Variants in PKP2 observed in about 807,000 individuals in gnomAD.
PKP2 encodes plakophilin-2.
A neutral mutation model predicts 83.4 loss-of-function variants in PKP2; 73 were observed. That is an observed-to-expected ratio of 0.88 (90% confidence interval 0.72 to 1.06). The LOEUF is 1.06. Ranked by LOEUF, PKP2 falls within the 50% of genes least tolerant of loss-of-function variation. The probability of loss-of-function intolerance (pLI) is 0.00; values close to 1 mark genes in which losing one functional copy is unlikely to be tolerated. For synonymous variants in PKP2, 409 were observed against 430.4 expected (o/e 0.95, Z 0.62); for missense variants, 966 against 1,065.4 (o/e 0.91, Z 1.30).
At position 32,821,311 on chromosome 12, in the gene PKP2, C is replaced by T. The variant is rs10772008; in HGVS notation, c.2013+45G>A. 1,170,091 of 1,517,982 alleles carry T rather than the reference C, an allele frequency of 0.77. 460,333 individuals carry two copies. Among genetic ancestry groups the T allele is most frequent in the Non-Finnish European group, 0.82 (894,901 of 1,093,460 alleles). 94.0% of individuals were successfully genotyped at this position (1,517,982 alleles called of 1,614,324 possible). A position where few individuals can be genotyped will look rare whatever the true frequency, so the allele number is the denominator to read the frequency against. On this transcript the variant is annotated intron_variant, in intron 9 of 12. Coordinates refer to ENST00000340811, the MANE Select transcript of PKP2 (RefSeq NM_001005242.3). Reference sequence around the variant, plus strand: ...TCTGAATTGAATGTAGGTATGTCTACAATATCATTATTTTAAAAAGTAGGA... The same window carrying T: ...TCTGAATTGAATGTAGGTATGTCTATAATATCATTATTTTAAAAAGTAGGA...
At chr12:32,857,440 AAGAG>A (rs899759767) in intron 4 of PKP2, among the ~76,000 whole-genome samples, 21 of 151,532 alleles carry the variant, frequency 1.4e-4, no homozygotes, top group East Asian at 3.9e-4. Context: ...AAAAAGAAAA[AAGAG>A]AGAGAGAGAG....
chr12:32,853,364 A>G (rs951889356), intron 4 of PKP2, among the ~76,000 whole-genome samples: 17 of 149,366 alleles, frequency 1.1e-4, no homozygotes, highest in African/African-American at 3.9e-4. Context: ...TGGATAAGTG[A>G]TACTTAACCT....
chr12:32,808,095 C>G (rs546894962), intron 9 of PKP2, among the ~76,000 whole-genome samples: 1 of 152,306 alleles, frequency 6.6e-6, no homozygotes, highest in Admixed American at 6.5e-5. Context: ...GGTAATTCTA[C>G]TGGATGATAT....
intron 5 of PKP2, among the ~76,000 whole-genome samples, chr12:32,841,898 A>G (rs977485589): frequency 2.6e-5 from 4 of 152,230 alleles, no homozygotes; most frequent in Non-Finnish European, 5.9e-5. Flanking sequence ...CATCTTCCCT[A>G]TTGGCCAACT....
rs148315794 is a variant in PKP2, at chr12:32,869,145, C to A, written c.1035-83G>T. On this transcript the variant is annotated intron_variant, in intron 3 of 12. Coordinates refer to ENST00000340811, the MANE Select transcript of PKP2 (RefSeq NM_001005242.3). ...ACCTGGTCCTCCAGAGACGACTCAGCGAATACTGGGAAGCACTAGAACATC... is the reference window on the plus strand; with the variant it reads ...ACCTGGTCCTCCAGAGACGACTCAGAGAATACTGGGAAGCACTAGAACATC... The A allele has an allele frequency of 2.0e-6, 3 of 1,491,420 alleles. No homozygotes were observed. In the African/African-American group the frequency reaches 4.2e-5, roughly 21 times the overall value. 92.4% of individuals were successfully genotyped at this position (1,491,420 alleles called of 1,614,324 possible). A position where few individuals can be genotyped will look rare whatever the true frequency, so the allele number is the denominator to read the frequency against.
At chr12:32,896,399 G>T in intron 1 of PKP2, 110 bp downstream of exon 1, 1 of 779,020 alleles carries the variant, frequency 1.3e-6, no homozygotes, top group Non-Finnish European at 1.9e-6. Context: ...GCAACAGGTG[G>T]GCAGAACACG....
chr12:32,842,234 C>G (rs1437303043), intron 5 of PKP2, among the ~76,000 whole-genome samples: 1 of 151,926 alleles, frequency 6.6e-6, no homozygotes, highest in Non-Finnish European at 1.5e-5. Context: ...AAAGTTGCCT[C>G]GTCATCTTTC....
intron 5 of PKP2, among the ~76,000 whole-genome samples, chr12:32,850,496 G>A (rs576528624): frequency 3.9e-5 from 6 of 152,174 alleles, no homozygotes; most frequent in African/African-American, 1.4e-4. Flanking sequence ...AACCCTGGAG[G>A]CGGAGGTTGC....
At chr12:32,823,696 G>A (rs1025174603) in intron 7 of PKP2, among the ~76,000 whole-genome samples, 2 of 151,574 alleles carry the variant, frequency 1.3e-5, no homozygotes, top group East Asian at 3.9e-4. Context: ...AAGCTCTGGG[G>A]TTCATGCCAT....
At chr12:32,793,006 T>C (rs1256145416) in intron 11 of PKP2, 3 of 411,852 alleles carry the variant, frequency 7.3e-6, no homozygotes, top group African/African-American at 6.1e-5. Flanking sequence ...ATCCCAGCAC[T>C]TTTGGGAGGC....
chr12:32,865,068 G>A (rs141427446), intron 4 of PKP2, among the ~76,000 whole-genome samples: 281 of 152,238 alleles, frequency 1.8e-3, no homozygotes, highest in African/African-American at 6.5e-3. Context: ...CTTGGGAATA[G>A]TAAACATTCA....
intron 1 of PKP2, among the ~76,000 whole-genome samples, chr12:32,881,253 G>C (rs1183856413): frequency 1.3e-5 from 2 of 152,128 alleles, no homozygotes; most frequent in African/African-American, 2.4e-5. Context: ...GGCAGTGGCA[G>C]GCTTGTAACT....
At chr12:32,858,151 TAA>T (rs1290944264) in intron 4 of PKP2, among the ~76,000 whole-genome samples, 12 of 104,254 alleles carry the variant, frequency 1.2e-4, no homozygotes, top group African/African-American at 4.0e-4. Flanking sequence ...TATATATATA[TAA>T]ATATATATAA....
intron 1 of PKP2, among the ~76,000 whole-genome samples, chr12:32,891,788 C>T (rs1452847213): frequency 1.3e-5 from 2 of 152,192 alleles, no homozygotes; most frequent in African/African-American, 2.4e-5. Flanking sequence ...TACAGTTCCA[C>T]GGATTCTGAA....
chr12:32,890,062 G>A (rs1156245701), intron 1 of PKP2, among the ~76,000 whole-genome samples: 11 of 111,034 alleles, frequency 9.9e-5, no homozygotes, highest in Admixed American at 9.0e-4. Context: ...GGCATAGAGC[G>A]AGACTCCATC....
intron 9 of PKP2, among the ~76,000 whole-genome samples, chr12:32,814,902 G>A (rs1192315413): frequency 6.6e-6 from 1 of 151,796 alleles, no homozygotes; most frequent in Non-Finnish European, 1.5e-5. Flanking sequence ...TCCACCCTAG[G>A]CGACAGAGTG....
intron 3 of PKP2, among the ~76,000 whole-genome samples, chr12:32,869,965 G>C (rs1237605149): frequency 6.6e-6 from 1 of 152,170 alleles, no homozygotes. Context: ...GGAGGTCAAG[G>C]CTGCAATGAG....
intron 9 of PKP2, among the ~76,000 whole-genome samples, chr12:32,813,035 G>A (rs1956290466): frequency 6.6e-6 from 1 of 152,068 alleles, no homozygotes; most frequent in Admixed American, 6.6e-5. Flanking sequence ...TGACTTCCAG[G>A]AGCTTACTAG....
At chr12:32,865,885 A>G (rs1041699378) in intron 4 of PKP2, among the ~76,000 whole-genome samples, 1 of 152,158 alleles carries the variant, frequency 6.6e-6, no homozygotes, top group African/African-American at 2.4e-5. Flanking sequence ...TATATAAAAA[A>G]TTAACCACAA....
Sources: gnomAD v4.1 joint callset for allele counts (sites outside exome capture counted in the v4.1 genomes callset) on GRCh38, gnomAD v4.1.1 for gene constraint, MANE v1.5 for transcripts, NCBI Gene and HGNC (gene_info 2026-07-23, HGNC 2026-07-21) for gene names.